SPTBN1: variants seen among roughly 807,000 people sequenced by gnomAD.
SPTBN1 encodes the protein spectrin beta chain, non-erythrocytic 1.
SPTBN1 carries 32 observed loss-of-function variants against 266.4 expected under a neutral mutation model. The observed-to-expected ratio is 0.12, with a 90% confidence interval of 0.09 to 0.16. SPTBN1 has a LOEUF of 0.16. Ranked by LOEUF, SPTBN1 falls within the 10% of genes least tolerant of loss-of-function variation. The pLI is 1.00. For synonymous variants in SPTBN1, 1,336 were observed against 1,162.2 expected, an observed-to-expected ratio of 1.15 and a Z score of -3.04; for missense variants, 2,296 against 3,067.1, an observed-to-expected ratio of 0.75 and a Z score of 5.94.
At chr2:54,495,614 G>C (rs918939754) in intron 1 of SPTBN1, among the ~76,000 whole-genome samples, 1 of 149,408 alleles carries the variant, frequency 6.7e-6, no homozygotes, top group Admixed American at 6.7e-5. Context: ...TAACATTTTG[G>C]TGTATATTGT....
chr2:54,558,175 G>T lies in SPTBN1; in HGVS notation c.148+31609G>T, dbSNP rs1456963949. The stretch of plus-strand genomic sequence containing the variant: ...ACCGCGGCGAGTCCAGGGCCCGGCC[G>T]GGGGTCGGCGGCTGCCGGGCGGCTG... On this transcript the variant is annotated intron_variant, in intron 2 of 35. Coordinates refer to ENST00000356805, the MANE Select transcript of SPTBN1 (RefSeq NM_003128.3). The surrounding 1 kb of genome is among the most constrained non-coding windows in gnomAD (Gnocchi z 4.6). The T allele has an allele frequency of 1.0e-6, 1 of 985,390 alleles. No homozygotes were observed. The highest frequency in any genetic ancestry group is 1.2e-6 in the Non-Finnish European group (1 of 829,908). The allele number at this position is 985,390 out of a possible 1,614,324, so 61.0% of individuals were successfully genotyped here.
rs191382500 is a variant in SPTBN1 at position 54,551,573 on chromosome 2, C to T, written c.148+25007C>T. Among the ~76,000 whole-genome samples, 472 of 152,298 alleles carry T rather than the reference C, an allele frequency of 3.1e-3. 2 individuals are homozygous for T. Among genetic ancestry groups the T allele is most frequent in the Admixed American group, 7.3e-3 (112 of 15,302 alleles). ...GGTGCTTGTTTCCAGTGTAACTTGC[C>T]GTTTTTCTCCTCAGCAGTGATCTCA... On this transcript the variant is annotated intron_variant, in intron 2 of 35. Coordinates refer to ENST00000356805, the MANE Select transcript of SPTBN1 (RefSeq NM_003128.3).
chr2:54,623,228 A>T (rs1054309948), intron 9 of SPTBN1, among the ~76,000 whole-genome samples: 1 of 152,202 alleles, frequency 6.6e-6, no homozygotes. Flanking sequence ...TGGGGTTTAA[A>T]CCTTGATTTA....
At chr2:54,461,030 A>G (rs1479810963) in intron 1 of SPTBN1, among the ~76,000 whole-genome samples, 1 of 152,090 alleles carries the variant, frequency 6.6e-6, no homozygotes, top group Non-Finnish European at 1.5e-5. Flanking sequence ...AAACCAAGGG[A>G]CACTCAGGCA....
Position 54,668,325 on chromosome 2 carries a change from T to C in SPTBN1, c.6877-26T>C, listed in dbSNP as rs752188597. On this transcript the variant is annotated intron_variant, in intron 35 of 35. Transcript: ENST00000356805. The stretch of plus-strand genomic sequence containing the variant: ...CCTCATGCCTACTCTTAGTTGAGTC[T>C]CACCTGTGTCCCTTCCTCTGTCCAG... 7 of 1,611,242 alleles carry C rather than the reference T, an allele frequency of 4.3e-6. No homozygotes were observed. In the East Asian group the frequency reaches 1.1e-4, roughly 26 times the overall value.
chr2:54,638,148 A>G (rs1157776984), intron 18 of SPTBN1, among the ~76,000 whole-genome samples: 2 of 152,240 alleles, frequency 1.3e-5, no homozygotes, highest in Non-Finnish European at 2.9e-5. Flanking sequence ...CACTAGCTGT[A>G]TTTTAAGTGC....
chr2:54,594,339 T>A (rs150907070), intron 2 of SPTBN1, among the ~76,000 whole-genome samples: 342 of 152,248 alleles, frequency 2.2e-3, no homozygotes, highest in Non-Finnish European at 3.7e-3. Context: ...AAAAAAAAAT[T>A]AACAATACAA....
rs760275661 is a variant in SPTBN1, at chr2:54,630,000, C to G, written c.2778C>G (p.Ile926Met). 3 of 1,614,080 alleles carry G rather than the reference C, an allele frequency of 1.9e-6. No individual in the cohort carries two copies. The highest frequency in any genetic ancestry group is 1.7e-6 in the Non-Finnish European group (2 of 1,180,006). The change falls in exon 15 of 36, where the codon ATC becomes ATG. Residue 926 changes from isoleucine (I) to methionine (M), a missense_variant. Transcript: ENST00000356805. ...GCGGCCACCCAAGTGAGAAGGAAAT[C>G]AAAGCCCAGCAGGACAAACTCAACA... ...MHSGHPSEKEIKAQQDKLNTR... is the reference protein window; with the variant it reads ...MHSGHPSEKEMKAQQDKLNTR...
At chr2:54,622,757 C>T (rs543041616) in intron 9 of SPTBN1, among the ~76,000 whole-genome samples, 2 of 152,158 alleles carry the variant, frequency 1.3e-5, no homozygotes, top group South Asian at 2.1e-4. Context: ...TATCCAAAAC[C>T]ATTGTACCTA....
chr2:54,532,145 T>C (rs893623564), intron 2 of SPTBN1, among the ~76,000 whole-genome samples: 4 of 152,004 alleles, frequency 2.6e-5, no homozygotes, highest in South Asian at 2.1e-4. Flanking sequence ...AAAAATTAGC[T>C]GGGCGTGGTG....
intron 2 of SPTBN1, among the ~76,000 whole-genome samples, chr2:54,529,147 T>G (rs192732406): frequency 1.3e-5 from 2 of 152,232 alleles, no homozygotes; most frequent in Admixed American, 6.5e-5. Flanking sequence ...TGGGGATAAT[T>G]TACATATCCA....
chr2:54,488,772 A>G (rs1298685745), intron 1 of SPTBN1, among the ~76,000 whole-genome samples: 2 of 151,934 alleles, frequency 1.3e-5, no homozygotes, highest in African/African-American at 2.4e-5. Context: ...AGAATTTTTC[A>G]CACTCTTCTG....
chr2:54,466,946 G>A (rs915752484), intron 1 of SPTBN1, among the ~76,000 whole-genome samples: 1 of 152,034 alleles, frequency 6.6e-6, no homozygotes, highest in African/African-American at 2.4e-5. Flanking sequence ...GTTCATTTTT[G>A]TTACAGCCTT....
chr2:54,582,910 G>A (rs1675040807), intron 2 of SPTBN1, among the ~76,000 whole-genome samples: 1 of 152,154 alleles, frequency 6.6e-6, no homozygotes, highest in Non-Finnish European at 1.5e-5. Context: ...TATGTTTGGT[G>A]GTAAGAGTAC....
chr2:54,631,191 G>A lies in SPTBN1; in HGVS notation c.3144G>A (p.Lys1048=). ...AEISDVWEEM[K]TTLKNREASL... ...TCAGCGACGTGTGGGAGGAGATGAA[G>A]ACCACCCTGAAAAACCGAGAGGCCT... Residue 1048 remains lysine, a synonymous_variant, in exon 16 of 36, where the codon AAG becomes AAA. Coordinates refer to ENST00000356805, the MANE Select transcript of SPTBN1 (RefSeq NM_003128.3). 1 of 1,614,202 alleles carries A rather than the reference G, an allele frequency of 6.2e-7. No homozygotes were observed. Among genetic ancestry groups the A allele is most frequent in the Admixed American group, 1.7e-5 (1 of 60,032 alleles).
intron 23 of SPTBN1, 75 bp from the exon 24 acceptor site, chr2:54,647,056 C>T: frequency 6.2e-7 from 1 of 1,604,902 alleles, no homozygotes; most frequent in Non-Finnish European, 8.5e-7. Flanking sequence ...CCCTGCTGAG[C>T]AGCTGGTCTG....
At position 54,632,485 on chromosome 2, in the gene SPTBN1, C is replaced by T. The variant is rs532391326; in HGVS notation, c.3565-81C>T. 4.4e-6 allele frequency: 6 copies of T among 1,372,916 alleles called. No individual in the cohort carries two copies. The South Asian group carries it at 4.8e-5, about 11-fold the overall frequency. The allele number at this position is 1,372,916 out of a possible 1,614,324, so 85.0% of individuals were successfully genotyped here. Reference sequence around the variant, plus strand: ...AGTGTAATGAAGAAAGTGTTGTGAACTATGTTGCACGGAAATGTAGAACAC... The same window carrying T: ...AGTGTAATGAAGAAAGTGTTGTGAATTATGTTGCACGGAAATGTAGAACAC... On this transcript the variant is annotated intron_variant, in intron 16 of 35. Transcript: ENST00000356805.
At chr2:54,607,805 G>GGTAGCC (rs1676948867) in intron 3 of SPTBN1, among the ~76,000 whole-genome samples, 1 of 152,074 alleles carries the variant, frequency 6.6e-6, no homozygotes, top group South Asian at 2.1e-4. Flanking sequence ...TTCTACTTGT[G>GGTAGCC]GTAGGCCTCT....
chr2:54,490,380 A>G (rs921231865), intron 1 of SPTBN1, among the ~76,000 whole-genome samples: 6 of 152,142 alleles, frequency 3.9e-5, no homozygotes, highest in African/African-American at 1.4e-4. Flanking sequence ...CCTGTTTATG[A>G]AGATTTTATA....
Sources: allele counts gnomAD v4.1 joint callset (sites outside exome capture counted in the v4.1 genomes callset), GRCh38; gene constraint gnomAD v4.1.1; non-coding constraint Gnocchi (gnomAD v3.1); transcripts MANE v1.5; gene names NCBI Gene and HGNC (gene_info 2026-07-23, HGNC 2026-07-21).